EML5: variants seen among roughly 807,000 people sequenced by gnomAD.
EML5 encodes the protein echinoderm microtubule-associated protein-like 5.
A neutral mutation model predicts 250.0 loss-of-function variants in EML5; 120 were observed. The observed-to-expected ratio is 0.48, with a 90% CI of 0.41 to 0.56. The LOEUF is 0.56. EML5 is among the 20% of genes least tolerant of loss of function. EML5 has a pLI of 0.00. For synonymous variants in EML5, 771 were observed against 806.5 expected (o/e 0.96, Z 0.75); for missense variants, 2,006 against 2,437.6 (o/e 0.82, Z 3.73).
At chr14:88,615,920 T>C (rs2087536730) in intron 43 of EML5, 66 bp from the exon 44 acceptor site, 1 of 1,541,028 alleles carries the variant, frequency 6.5e-7, no homozygotes, top group Admixed American at 1.9e-5. Flanking sequence ...CAGTTTAATA[T>C]TTTTCAGTTG....
intron 21 of EML5, among the ~76,000 whole-genome samples, chr14:88,679,015 T>C (rs2092659640): frequency 6.6e-6 from 1 of 151,854 alleles, no homozygotes; most frequent in African/African-American, 2.4e-5. Flanking sequence ...GTTGTAGCAA[T>C]CCTTGGTGCT....
chr14:88,706,339 C>A lies in EML5; in HGVS notation c.1745G>T (p.Gly582Val). Residue 582 changes from glycine to valine, a missense_variant, in exon 11 of 44, where the codon GGT (glycine) becomes GTT (valine). By Grantham distance (109) the Gly-to-Val change is moderately radical. Around this residue, in one of 7 missense-constraint regions of EML5, gnomAD observed 1,375 missense variants for 1,590.3 expected, o/e 0.86. Coordinates refer to ENST00000554922, the MANE Select transcript of EML5 (RefSeq NM_183387.3). Reference sequence around the variant, plus strand: ...CTGAAAGACAGAGTGATCTGCTCCACCAATAGAAATAACCCACTGATAATC... The same window carrying A: ...CTGAAAGACAGAGTGATCTGCTCCAACAATAGAAATAACCCACTGATAATC... The part of the protein sequence containing the change: ...SHDYQWVISI[G>V]GADHSVFQWK... 1.2e-6 allele frequency: 2 copies of A among 1,610,276 alleles called. No individual in the cohort carries two copies. The highest frequency in any genetic ancestry group is 1.7e-6 in the Non-Finnish European group (2 of 1,178,300).
chr14:88,749,093 A>T (rs1013961296), intron 2 of EML5, among the ~76,000 whole-genome samples: 21 of 152,266 alleles, frequency 1.4e-4, no homozygotes, highest in African/African-American at 5.1e-4. Context: ...AATCCCAAGC[A>T]GGATAATCAT....
rs892641859 is a variant in EML5, at chr14:88,685,337, G to A, written c.2855-195C>T. Among the ~76,000 whole-genome samples, 10 of 152,090 alleles carry A rather than the reference G, an allele frequency of 6.6e-5. No individual in the cohort carries two copies. In the East Asian group the frequency reaches 1.7e-3, roughly 26 times the overall value. The stretch of plus-strand genomic sequence containing the variant: ...TAATCTCTAAATAAGTACCACCTAT[G>A]TCTTATAAGTCTATGATTCTATTCT... On this transcript the variant is annotated intron_variant, in intron 19 of 43. Coordinates refer to ENST00000554922, the MANE Select transcript of EML5 (RefSeq NM_183387.3).
intron 20 of EML5, among the ~76,000 whole-genome samples, chr14:88,683,224 C>G (rs943841650): frequency 7.3e-6 from 1 of 136,634 alleles, no homozygotes; most frequent in Admixed American, 7.3e-5. Context: ...CGTAGGCCAG[C>G]TAGTTTGTCC....
intron 1 of EML5, among the ~76,000 whole-genome samples, chr14:88,760,511 C>T (rs530605566): frequency 6.6e-6 from 1 of 152,266 alleles, no homozygotes; most frequent in South Asian, 2.1e-4. Context: ...GTATTTTACA[C>T]CATTAACCTA....
intron 7 of EML5, among the ~76,000 whole-genome samples, chr14:88,729,890 T>A (rs2093728564): frequency 6.6e-6 from 1 of 151,686 alleles, no homozygotes; most frequent in South Asian, 2.1e-4. Context: ...TTTGTTTTTT[T>A]AATGTATTGT....
At position 88,704,970 on chromosome 14, in the gene EML5, T is replaced by C. The variant is rs2093288852; in HGVS notation, c.1941A>G (p.Lys647=). 1 of 1,604,408 alleles carries C rather than the reference T, an allele frequency of 6.2e-7. No homozygotes were observed. The part of the protein sequence containing the change: ...TQLTYRRQVY[K]EDLPQLKEQC... The stretch of plus-strand genomic sequence containing the variant: ...GTTCTTTAAGCTGAGGTAGATCTTC[T>C]TTGTAAACCTTTAAAAATGTATACA... The change falls in exon 13 of 44, where the codon AAA becomes AAG. Residue 647 remains lysine (K), a synonymous_variant. Transcript: ENST00000554922.
chr14:88,769,322 C>T (rs952423105), intron 1 of EML5, among the ~76,000 whole-genome samples: 1 of 152,136 alleles, frequency 6.6e-6, no homozygotes, highest in African/African-American at 2.4e-5. Context: ...TCGCTTCCTT[C>T]TACTCTAGCC....
chr14:88,682,159 T>A, intron 20 of EML5, 128 bp from the exon 21 acceptor site: 1 of 975,666 alleles, frequency 1.0e-6, no homozygotes, highest in Non-Finnish European at 1.4e-6. Context: ...TGAGTAAATC[T>A]ATCAAAACTT....
In EML5 at chr14:88,620,664, C is replaced by T. The variant is rs935984863; in HGVS notation, c.5375+90G>A. On this transcript the variant is annotated intron_variant, in intron 39 of 43. Coordinates refer to ENST00000554922, the MANE Select transcript of EML5 (RefSeq NM_183387.3). The surrounding 1 kb of genome is among the most constrained non-coding windows in gnomAD (Gnocchi z 4.3). ...CGGGAAATGCTACAGGCCCTGGGGA[C>T]CTCTTTTTGAAGGCAAGGCTATGGA... The T allele has an allele frequency of 9.1e-7, 1 of 1,099,452 alleles. No homozygotes were observed. Among genetic ancestry groups the T allele is most frequent in the Non-Finnish European group, 1.2e-6 (1 of 815,166 alleles). The allele number at this position is 1,099,452 out of a possible 1,614,324, so 68.1% of individuals were successfully genotyped here.
intron 1 of EML5, among the ~76,000 whole-genome samples, chr14:88,759,698 A>AAACAAAAAAAAC (rs1555374467): frequency 1.4e-5 from 2 of 142,112 alleles, no homozygotes; most frequent in African/African-American, 5.4e-5. Context: ...AAAAAAAAAA[A>AAACAAAAAAAAC]AAAAAACTGG....
chr14:88,775,408 C>A (rs1486439937), intron 1 of EML5, among the ~76,000 whole-genome samples: 1 of 152,150 alleles, frequency 6.6e-6, no homozygotes. Flanking sequence ...GAGTCCCAGA[C>A]CAGGCAGCAT....
At chr14:88,616,518 G>A (rs10146011) in intron 42 of EML5, 63 of 608,522 alleles carry the variant, frequency 1.0e-4, no homozygotes, top group African/African-American at 8.5e-4. Flanking sequence ...GCTAATTACA[G>A]CTTTTGTAGG....
At chr14:88,757,862 T>C (rs988071443) in intron 1 of EML5, among the ~76,000 whole-genome samples, 5 of 151,854 alleles carry the variant, frequency 3.3e-5, no homozygotes, top group Non-Finnish European at 7.4e-5. Flanking sequence ...TTTCTATTTA[T>C]TTATTTCAGA....
intron 31 of EML5, among the ~76,000 whole-genome samples, chr14:88,642,521 C>A (rs2091119650): frequency 6.6e-6 from 1 of 152,112 alleles, no homozygotes. Context: ...ATGCTACATT[C>A]AATCACTATC....
intron 9 of EML5, among the ~76,000 whole-genome samples, chr14:88,713,336 G>T (rs2093435711): frequency 6.6e-6 from 1 of 151,738 alleles, no homozygotes; most frequent in Non-Finnish European, 1.5e-5. Flanking sequence ...AGGCTGTAGT[G>T]AGCTAAGAAC....
intron 14 of EML5, among the ~76,000 whole-genome samples, chr14:88,697,532 C>T (rs2093106743): frequency 2.0e-5 from 3 of 152,158 alleles, no homozygotes; most frequent in East Asian, 1.9e-4. Flanking sequence ...TCTACTGCAG[C>T]ACTCTGTCAC....
At chr14:88,651,623 C>T (rs965799071) in intron 27 of EML5, among the ~76,000 whole-genome samples, 2 of 152,002 alleles carry the variant, frequency 1.3e-5, no homozygotes, top group African/African-American at 4.8e-5. Context: ...CCATAGAACA[C>T]TTTTCACTTT....
Sources: allele counts gnomAD v4.1 joint callset (sites outside exome capture counted in the v4.1 genomes callset), GRCh38; gene constraint gnomAD v4.1.1; regional missense constraint gnomAD v4.1.1; non-coding constraint Gnocchi (gnomAD v3.1); transcripts MANE v1.5; gene names NCBI Gene and HGNC (gene_info 2026-07-23, HGNC 2026-07-21).